The following ESRRB variants were observed in gnomAD, a reference collection of about 807,000 sequenced individuals.
The protein encoded by ESRRB is steroid hormone receptor ERR2.
In ESRRB, 16 loss-of-function variants were observed where a neutral mutation model predicts 46.0. That is an observed-to-expected ratio of 0.35 (90% confidence interval 0.24 to 0.53). The LOEUF is 0.53. Ranked by LOEUF, ESRRB falls within the 20% of genes least tolerant of loss-of-function variation. The pLI is 0.93. For synonymous variants in ESRRB, 246 were observed against 259.6 expected (o/e 0.95, Z 0.50); for missense variants, 488 against 607.4 (o/e 0.80, Z 2.07).
intron 1 of ESRRB, among the ~76,000 whole-genome samples, chr14:76,393,021 G>A (rs1159081823): frequency 6.6e-6 from 1 of 152,250 alleles, no homozygotes; most frequent in Non-Finnish European, 1.5e-5. Context: ...AGGCACTGGA[G>A]GCCAGTTTCC....
At chr14:76,464,137 T>C (rs901066521) in intron 3 of ESRRB, among the ~76,000 whole-genome samples, 1 of 152,186 alleles carries the variant, frequency 6.6e-6, no homozygotes, top group Non-Finnish European at 1.5e-5. Context: ...GCTCCGGGCC[T>C]GGAATCCTTC....
At chr14:76,432,364 G>A (rs935746668) in intron 1 of ESRRB, among the ~76,000 whole-genome samples, 6 of 152,230 alleles carry the variant, frequency 3.9e-5, no homozygotes, top group Non-Finnish European at 7.3e-5. Flanking sequence ...CGCTTGCATT[G>A]TTGCACCAGC....
At chr14:76,358,395 GAA>G (rs1219657438) in intron 1 of ESRRB, among the ~76,000 whole-genome samples, 15 of 109,686 alleles carry the variant, frequency 1.4e-4, no homozygotes, top group African/African-American at 5.6e-4. Context: ...AAGAAAGAAA[GAA>G]AGAAAGAAAG....
chr14:76,465,790 C>T (rs528173298), intron 3 of ESRRB, among the ~76,000 whole-genome samples: 215 of 152,338 alleles, frequency 1.4e-3, no homozygotes, highest in African/African-American at 5.0e-3. Flanking sequence ...CCCCACTCCC[C>T]GCCAGTGCTG....
At position 76,429,204 on chromosome 14, in the gene ESRRB, C is replaced by G. The variant is rs140663441; in HGVS notation, c.51-10137C>G. 5.4e-3 allele frequency among the ~76,000 whole-genome samples: 820 copies of G among 152,188 alleles called. 5 individuals are homozygous for G. The highest frequency in any genetic ancestry group is 0.017 in the Middle Eastern group (5 of 294). ...TGTGTCTCTATTGCCCCCATCAGCC[C>G]CAGCCTCCCCCAAAGCAGCCTGGCA... On this transcript the variant is annotated intron_variant, in intron 1 of 6. Coordinates refer to ENST00000644823, the MANE Select transcript of ESRRB (RefSeq NM_001379180.1).
Position 76,413,970 on chromosome 14 carries a change from C to CG in ESRRB, c.51-25371_51-25370insG, listed in dbSNP as rs1250037950. On this transcript the variant is annotated intron_variant, in intron 1 of 6. Transcript: ENST00000644823. ...CACCATCCCTCGCCCCTGCACCGTC[C>CG]CCGCCCCTGCACCGTCCGCCGCCCC... Among the ~76,000 whole-genome samples, 107 of 71,112 alleles carry CG rather than the reference C, an allele frequency of 1.5e-3. 1 individual carries two copies. The highest frequency in any genetic ancestry group is 5.8e-3 in the East Asian group (9 of 1,560). 46.7% of individuals were successfully genotyped at this position (71,112 alleles called of 152,430 possible).
At chr14:76,367,949 CT>C (rs778235037), upstream of ESRRB, among the ~76,000 whole-genome samples, 535 of 95,262 alleles carry the variant, frequency 5.6e-3, 2 homozygotes, top group African/African-American at 0.019. Flanking sequence ...TTCCAGTTTG[CT>C]TTTTTTTTTT....
At chr14:76,495,021 C>T (rs904321851) in intron 6 of ESRRB, among the ~76,000 whole-genome samples, 5 of 152,208 alleles carry the variant, frequency 3.3e-5, no homozygotes, top group Admixed American at 6.5e-5. Flanking sequence ...TGGACCCGCA[C>T]ACATACACAC....
At chr14:76,444,313 G>A (rs549599718) in intron 2 of ESRRB, among the ~76,000 whole-genome samples, 2 of 152,108 alleles carry the variant, frequency 1.3e-5, no homozygotes, top group Non-Finnish European at 2.9e-5. Context: ...GATTATAGGC[G>A]TGAGCCACCA....
intron 1 of ESRRB, among the ~76,000 whole-genome samples, chr14:76,389,173 C>T (rs960828025): frequency 7.9e-5 from 12 of 152,130 alleles, no homozygotes; most frequent in Non-Finnish European, 1.6e-4. Context: ...TTCCCCCAAC[C>T]CTGGTCTGCT....
chr14:76,321,881 C>T (rs568442584), intron 1 of ESRRB, among the ~76,000 whole-genome samples: 5 of 100,196 alleles, frequency 5.0e-5, no homozygotes, highest in South Asian at 8.0e-4. Context: ...AGCGGGACTC[C>T]GTCTCAAAAA....
intron 1 of ESRRB, among the ~76,000 whole-genome samples, chr14:76,342,519 C>T (rs1884203657): frequency 6.6e-6 from 1 of 152,218 alleles, no homozygotes; most frequent in African/African-American, 2.4e-5. Context: ...CTCCCACTTG[C>T]AGCTGCTGTG....
In ESRRB at chr14:76,441,026, C is replaced by T. The variant is rs112940227; in HGVS notation, c.460+1276C>T. ...TTGGGCCGCTGCACTCAGGCCTGGG[C>T]GACAGAGTGAGACTCCATCTCAAAA... is the stretch of plus-strand genomic sequence containing the variant. On this transcript the variant is annotated intron_variant, in intron 2 of 6. Transcript: ENST00000644823. Among the ~76,000 whole-genome samples the T allele has an allele frequency of 3.2e-3, 482 of 152,178 alleles. 4 individuals are homozygous for T. The highest frequency in any genetic ancestry group is 0.011 in the African/African-American group (463 of 41,528).
At chr14:76,339,470 TG>T (rs1884165597) in intron 1 of ESRRB, among the ~76,000 whole-genome samples, 1 of 152,184 alleles carries the variant, frequency 6.6e-6, no homozygotes, top group Non-Finnish European at 1.5e-5. Flanking sequence ...CTGCACCTCT[TG>T]GGGCCCCATG....
intron 1 of ESRRB, among the ~76,000 whole-genome samples, chr14:76,325,370 G>A (rs1398088483): frequency 2.0e-5 from 3 of 152,190 alleles, no homozygotes; most frequent in African/African-American, 2.4e-5. Flanking sequence ...GGCAGGAGTG[G>A]GGAGAGAAAG....
chr14:76,351,715 C>T (rs1403724737), intron 1 of ESRRB, among the ~76,000 whole-genome samples: 1 of 152,142 alleles, frequency 6.6e-6, no homozygotes, highest in Non-Finnish European at 1.5e-5. Flanking sequence ...ATGCAAAAAG[C>T]TTGTTTTCCT....
At chr14:76,478,615 G>A (rs1399956680) in intron 3 of ESRRB, among the ~76,000 whole-genome samples, 1 of 152,038 alleles carries the variant, frequency 6.6e-6, no homozygotes, top group Non-Finnish European at 1.5e-5. Flanking sequence ...GCATATAGTA[G>A]GTGCTCAGTA....
At chr14:76,326,612 G>A (rs529795421) in intron 1 of ESRRB, among the ~76,000 whole-genome samples, 2 of 152,300 alleles carry the variant, frequency 1.3e-5, no homozygotes, top group South Asian at 2.1e-4. Context: ...AGTGAGAAGA[G>A]TGTTGGTGGT....
rs1008227328 is a variant in ESRRB, at chr14:76,443,750, G to A, written c.460+4000G>A. Among the ~76,000 whole-genome samples the A allele has an allele frequency of 3.9e-5, 6 of 152,186 alleles. No individual in the cohort carries two copies. In the South Asian group the frequency reaches 1.0e-3, roughly 26 times the overall value. On this transcript the variant is annotated intron_variant, in intron 2 of 6. Coordinates refer to ENST00000644823, the MANE Select transcript of ESRRB (RefSeq NM_001379180.1). ...AACTCAGAAATCCTACTGCATGCTT[G>A]ACAGAGGCCCAGGTGTCTGCGAATG...
Sources: allele counts gnomAD v4.1 joint callset (sites outside exome capture counted in the v4.1 genomes callset), GRCh38; gene constraint gnomAD v4.1.1; transcripts MANE v1.5; gene names NCBI Gene and HGNC (gene_info 2026-07-23, HGNC 2026-07-21).